Variants in FBXO42 observed in about 807,000 individuals in gnomAD.
FBXO42 encodes the protein F-box protein 42.
FBXO42 carries 12 observed loss-of-function variants against 71.7 expected under a neutral mutation model. That is an observed-to-expected ratio of 0.17 (90% CI 0.11 to 0.27). The LOEUF is 0.27. Among genes scored for constraint, FBXO42 ranks in the 10% least tolerant of loss-of-function variants. The probability of loss-of-function intolerance (pLI) is 1.00; values close to 1 mark genes in which losing one functional copy is unlikely to be tolerated. For missense variants in FBXO42, 707 were observed against 911.9 expected, an observed-to-expected ratio of 0.78 and a Z score of 2.89; for synonymous variants, 325 against 327.5, an observed-to-expected ratio of 0.99 and a Z score of 0.08.
At chr1:16,276,165 A>G (rs1029432885) in intron 4 of FBXO42, among the ~76,000 whole-genome samples, 2 of 152,010 alleles carry the variant, frequency 1.3e-5, no homozygotes, top group Non-Finnish European at 2.9e-5. Flanking sequence ...GTGGATCACG[A>G]GGTCAGGAGA....
At chr1:16,286,705 G>A (rs921817862) in intron 4 of FBXO42, among the ~76,000 whole-genome samples, 5 of 152,092 alleles carry the variant, frequency 3.3e-5, no homozygotes, top group Non-Finnish European at 5.9e-5. Context: ...CCTAATAAGC[G>A]TCTCAAACTC....
chr1:16,295,116 A>T (rs561458665), intron 3 of FBXO42, among the ~76,000 whole-genome samples, 199 bp from the exon 4 acceptor site: 2 of 152,202 alleles, frequency 1.3e-5, no homozygotes, highest in Non-Finnish European at 2.9e-5. Flanking sequence ...GAAAGCTATG[A>T]AAATTTTATT....
chr1:16,253,760 T>C (rs752135309), intron 6 of FBXO42, 29 bp from the exon 7 acceptor site: 1 of 1,603,552 alleles, frequency 6.2e-7, no homozygotes, highest in Non-Finnish European at 8.5e-7. Context: ...AGGATAAAGG[T>C]AGTTAGGAGC....
intron 1 of FBXO42, among the ~76,000 whole-genome samples, chr1:16,324,862 A>C (rs2082438056): frequency 6.6e-6 from 1 of 152,156 alleles, no homozygotes; most frequent in Non-Finnish European, 1.5e-5. Flanking sequence ...GTAGAATTTC[A>C]GAGAATAAAA....
intron 4 of FBXO42, among the ~76,000 whole-genome samples, chr1:16,274,678 G>T (rs561516228): frequency 7.6e-6 from 1 of 132,264 alleles, no homozygotes; most frequent in East Asian, 2.6e-4. Flanking sequence ...TGCAACCTCC[G>T]CCTCCTGGGT....
chr1:16,287,642 G>A (rs1470726884), intron 4 of FBXO42, among the ~76,000 whole-genome samples: 1 of 152,120 alleles, frequency 6.6e-6, no homozygotes. Flanking sequence ...GCTCAGGCTG[G>A]TCTTGAACTC....
At chr1:16,347,570 T>C (rs992939301) in intron 1 of FBXO42, among the ~76,000 whole-genome samples, 2 of 152,012 alleles carry the variant, frequency 1.3e-5, no homozygotes, top group African/African-American at 4.8e-5. Context: ...AGTAGAAATT[T>C]CAGGCAGGGC....
chr1:16,264,548 C>T (rs748243228), intron 4 of FBXO42, among the ~76,000 whole-genome samples: 10 of 152,186 alleles, frequency 6.6e-5, no homozygotes, highest in African/African-American at 1.4e-4. Flanking sequence ...CCATCAAGCA[C>T]GACAGGACCA....
At chr1:16,272,455 C>T (rs1324956558) in intron 4 of FBXO42, among the ~76,000 whole-genome samples, 1 of 152,060 alleles carries the variant, frequency 6.6e-6, no homozygotes, top group East Asian at 1.9e-4. Flanking sequence ...GACCGGGTTT[C>T]ACCATGTTAG....
chr1:16,329,785 T>C (rs897997106), intron 1 of FBXO42, among the ~76,000 whole-genome samples: 1 of 150,782 alleles, frequency 6.6e-6, no homozygotes, highest in Non-Finnish European at 1.5e-5. Context: ...CCATCTCTAC[T>C]AAAAATACAA....
At chr1:16,283,655 C>T (rs1378997357) in intron 4 of FBXO42, among the ~76,000 whole-genome samples, 2 of 151,944 alleles carry the variant, frequency 1.3e-5, no homozygotes, top group African/African-American at 2.4e-5. Flanking sequence ...CACCACCATG[C>T]CCAGCTACTT....
At chr1:16,348,172 G>T (rs576501025) in intron 1 of FBXO42, among the ~76,000 whole-genome samples, 18 of 152,030 alleles carry the variant, frequency 1.2e-4, no homozygotes, top group Admixed American at 3.3e-4. Flanking sequence ...TCCATCAGCC[G>T]CAACTTTAGA....
chr1:16,326,221 A>T (rs1251619238), intron 1 of FBXO42, among the ~76,000 whole-genome samples: 2 of 150,938 alleles, frequency 1.3e-5, no homozygotes, highest in Non-Finnish European at 3.0e-5. Flanking sequence ...ATGCCCGGCT[A>T]ATTTTGTATT....
At chr1:16,347,661 C>T (rs1301609814) in intron 1 of FBXO42, among the ~76,000 whole-genome samples, 1 of 152,106 alleles carries the variant, frequency 6.6e-6, no homozygotes, top group Admixed American at 6.6e-5. Context: ...TCCAGACCAG[C>T]TTGGCCAACA....
chr1:16,285,928 C>T (rs1331118307), intron 4 of FBXO42, among the ~76,000 whole-genome samples: 2 of 152,096 alleles, frequency 1.3e-5, no homozygotes, highest in Non-Finnish European at 2.9e-5. Flanking sequence ...AGTGCAGTAG[C>T]GCAAACATGG....
intron 1 of FBXO42, among the ~76,000 whole-genome samples, chr1:16,349,711 A>G (rs962414408): frequency 6.6e-6 from 1 of 152,118 alleles, no homozygotes; most frequent in South Asian, 2.1e-4. Flanking sequence ...AAATACAAAA[A>G]ATTAGCTGGG....
At chr1:16,338,417 T>C (rs901193938) in intron 1 of FBXO42, among the ~76,000 whole-genome samples, 3 of 151,152 alleles carry the variant, frequency 2.0e-5, no homozygotes, top group African/African-American at 7.3e-5. Context: ...GGATACAGAC[T>C]TTCACTTTCC....
chr1:16,300,928 T>C (rs1248516383), intron 3 of FBXO42, among the ~76,000 whole-genome samples: 1 of 144,596 alleles, frequency 6.9e-6, no homozygotes, highest in East Asian at 2.0e-4. Context: ...AGACAGAGTG[T>C]TGTTCTGTCA....
chr1:16,283,300 C>T (rs2081983683), intron 4 of FBXO42, among the ~76,000 whole-genome samples: 1 of 151,942 alleles, frequency 6.6e-6, no homozygotes, highest in Non-Finnish European at 1.5e-5. Context: ...CTTGGACCCA[C>T]AAACCATCAC....
Sources: gnomAD v4.1 joint callset for allele counts (sites outside exome capture counted in the v4.1 genomes callset) on GRCh38, gnomAD v4.1.1 for gene constraint, MANE v1.5 for transcripts, NCBI Gene and HGNC (gene_info 2026-07-23, HGNC 2026-07-21) for gene names.